Variants in EDIL3 observed in about 807,000 individuals in gnomAD.
EDIL3 encodes the protein EGF like and discoidin domains 3.
A neutral mutation model predicts 67.4 loss-of-function variants in EDIL3; 37 were observed. The ratio of observed to expected loss-of-function variants is 0.55; its 90% CI spans 0.42 to 0.72. The LOEUF is 0.72. Among genes scored for constraint, EDIL3 ranks in the 30% least tolerant of loss-of-function variants. EDIL3 has a pLI of 0.00. For missense variants in EDIL3, 527 were observed against 586.3 expected (o/e 0.90, Z 1.04); for synonymous variants, 195 against 196.3 (o/e 0.99, Z 0.05).
At chr5:84,002,900 T>C (rs1745355709) in intron 9 of EDIL3, among the ~76,000 whole-genome samples, 1 of 152,118 alleles carries the variant, frequency 6.6e-6, no homozygotes, top group East Asian at 1.9e-4. Flanking sequence ...CCCCTGCTCT[T>C]CTCTAGGCAG....
At chr5:84,030,360 T>C (rs1195738622) in intron 9 of EDIL3, among the ~76,000 whole-genome samples, 2 of 152,308 alleles carry the variant, frequency 1.3e-5, no homozygotes, top group African/African-American at 4.8e-5. Flanking sequence ...ATTTTTTTCA[T>C]GTTCAACCTT....
At chr5:84,256,080 C>T (rs147107866) in intron 1 of EDIL3, among the ~76,000 whole-genome samples, 17 of 152,214 alleles carry the variant, frequency 1.1e-4, no homozygotes, top group Middle Eastern at 3.4e-3. Context: ...GATAAAGATA[C>T]TTCAGTAGAC....
chr5:84,148,660 A>T (rs79685396), intron 4 of EDIL3, among the ~76,000 whole-genome samples: 2,562 of 152,150 alleles, frequency 0.017, 74 homozygotes, highest in African/African-American at 0.058. Context: ...CTCATCTACA[A>T]AATTATAGGA....
At chr5:84,281,804 A>G (rs1368820182) in intron 1 of EDIL3, among the ~76,000 whole-genome samples, 1 of 148,518 alleles carries the variant, frequency 6.7e-6, no homozygotes, top group Non-Finnish European at 1.5e-5. Flanking sequence ...ATGAACACCT[A>G]TGTATCTACC....
chr5:84,204,709 G>A (rs1220957749), intron 3 of EDIL3, among the ~76,000 whole-genome samples: 2 of 147,620 alleles, frequency 1.4e-5, no homozygotes, highest in East Asian at 4.2e-4. Flanking sequence ...GCTCCACGTT[G>A]AAGTAACATA....
At chr5:84,374,646 C>A (rs1390485381) in intron 1 of EDIL3, among the ~76,000 whole-genome samples, 1 of 152,170 alleles carries the variant, frequency 6.6e-6, no homozygotes, top group Non-Finnish European at 1.5e-5. Context: ...CAAATATTAT[C>A]CCAAATTGCA....
intron 1 of EDIL3, among the ~76,000 whole-genome samples, chr5:84,264,549 T>G (rs1044604169): frequency 6.6e-6 from 1 of 152,112 alleles, no homozygotes; most frequent in African/African-American, 2.4e-5. Flanking sequence ...CAGATAGGTG[T>G]GATGAGGGTC....
At chr5:84,253,464 T>C (rs542455054) in intron 2 of EDIL3, among the ~76,000 whole-genome samples, 30 of 152,294 alleles carry the variant, frequency 2.0e-4, no homozygotes, top group Admixed American at 5.2e-4. Flanking sequence ...TGGGGACCTA[T>C]GTGGAAATTA....
chr5:84,375,026 C>T (rs1051692339), intron 1 of EDIL3, among the ~76,000 whole-genome samples: 2 of 150,664 alleles, frequency 1.3e-5, no homozygotes, highest in African/African-American at 4.9e-5. Context: ...AGCTGAAGTG[C>T]AATGGCATGA....
chr5:84,006,894 C>T (rs1745427129), intron 9 of EDIL3, among the ~76,000 whole-genome samples: 1 of 151,564 alleles, frequency 6.6e-6, no homozygotes, highest in African/African-American at 2.4e-5. Flanking sequence ...AATTATACTA[C>T]AGAACCACAG....
intron 1 of EDIL3, among the ~76,000 whole-genome samples, chr5:84,313,081 T>C (rs1746438731): frequency 6.6e-6 from 1 of 152,176 alleles, no homozygotes; most frequent in South Asian, 2.1e-4. Flanking sequence ...CCCACAATAT[T>C]GAAAATACAT....
chr5:83,980,674 GAA>G (rs1356119569), intron 9 of EDIL3, among the ~76,000 whole-genome samples: 4 of 44,464 alleles, frequency 9.0e-5, no homozygotes, highest in Non-Finnish European at 1.7e-4. Context: ...GTGAAAGATT[GAA>G]ATATATATAT....
intron 1 of EDIL3, among the ~76,000 whole-genome samples, chr5:84,283,304 T>C (rs893934193): frequency 6.6e-6 from 1 of 152,184 alleles, no homozygotes; most frequent in Non-Finnish European, 1.5e-5. Flanking sequence ...ATCAGTTAAC[T>C]ATTCATGTTT....
chr5:84,303,422 G>C (rs890328785), intron 1 of EDIL3, among the ~76,000 whole-genome samples: 1 of 152,056 alleles, frequency 6.6e-6, no homozygotes, highest in African/African-American at 2.4e-5. Context: ...GCATAAACAT[G>C]ATAACAACTT....
intron 1 of EDIL3, among the ~76,000 whole-genome samples, chr5:84,353,393 C>T (rs192409798): frequency 4.6e-5 from 7 of 152,162 alleles, no homozygotes; most frequent in Admixed American, 4.6e-4. Context: ...AAACTCACAA[C>T]ATTGTGACAT....
At chr5:84,251,334 A>G (rs1745021150) in intron 2 of EDIL3, among the ~76,000 whole-genome samples, 1 of 151,494 alleles carries the variant, frequency 6.6e-6, no homozygotes, top group East Asian at 1.9e-4. Context: ...GCTGGTCTCA[A>G]ACTCCTGACT....
chr5:84,295,683 T>C (rs1187088130), intron 1 of EDIL3, among the ~76,000 whole-genome samples: 1 of 152,136 alleles, frequency 6.6e-6, no homozygotes, highest in African/African-American at 2.4e-5. Flanking sequence ...TACAAGATTT[T>C]CCTAAACAAC....
intron 6 of EDIL3, among the ~76,000 whole-genome samples, chr5:84,078,115 G>A (rs1047374475): frequency 2.0e-5 from 3 of 152,160 alleles, no homozygotes; most frequent in Admixed American, 1.3e-4. Flanking sequence ...TCTGTTAGTT[G>A]TTAGTAAAAT....
intron 5 of EDIL3, among the ~76,000 whole-genome samples, chr5:84,131,123 A>G (rs1364992105): frequency 1.3e-5 from 2 of 152,136 alleles, no homozygotes; most frequent in Non-Finnish European, 2.9e-5. Flanking sequence ...AAATAACTAA[A>G]AAATCCTATG....
Sources: gnomAD v4.1 joint callset for allele counts (sites outside exome capture counted in the v4.1 genomes callset) on GRCh38, gnomAD v4.1.1 for gene constraint, MANE v1.5 for transcripts, NCBI Gene and HGNC (gene_info 2026-07-23, HGNC 2026-07-21) for gene names.